The following GUCY1A2 variants were observed in gnomAD, a reference collection of about 807,000 sequenced individuals.
GUCY1A2 encodes guanylate cyclase soluble subunit alpha-2.
A neutral mutation model predicts 63.5 loss-of-function variants in GUCY1A2; 27 were observed. The observed-to-expected ratio is 0.43, with a 90% CI of 0.31 to 0.59. The LOEUF (loss-of-function observed/expected upper bound fraction) is 0.59, where lower values mean the gene tolerates loss of function less well. Ranked by LOEUF, GUCY1A2 falls within the 20% of genes least tolerant of loss-of-function variation. The probability of loss-of-function intolerance (pLI) is 0.11; values close to 1 mark genes in which losing one functional copy is unlikely to be tolerated. For missense variants in GUCY1A2, 768 were observed against 913.3 expected (o/e 0.84, Z 2.05); for synonymous variants, 364 against 343.5 (o/e 1.06, Z -0.66).
At chr11:106,936,099 A>G (rs140624558) in intron 4 of GUCY1A2, among the ~76,000 whole-genome samples, 7 of 152,284 alleles carry the variant, frequency 4.6e-5, no homozygotes, top group African/African-American at 1.7e-4. Flanking sequence ...GCAGAGAAGG[A>G]AGCTATGTGC....
At chr11:106,736,684 G>C (rs977577278) in intron 6 of GUCY1A2, among the ~76,000 whole-genome samples, 2 of 152,014 alleles carry the variant, frequency 1.3e-5, no homozygotes, top group African/African-American at 4.8e-5. Flanking sequence ...TTAGTATTTT[G>C]ATAGTGATTG....
chr11:106,925,800 T>C (rs375235333), intron 4 of GUCY1A2, among the ~76,000 whole-genome samples: 17 of 152,288 alleles, frequency 1.1e-4, no homozygotes, highest in African/African-American at 3.6e-4. Flanking sequence ...AATTCACCTA[T>C]GCCATTCCAA....
At chr11:106,953,283 T>G (rs1019386573) in intron 3 of GUCY1A2, among the ~76,000 whole-genome samples, 8 of 152,232 alleles carry the variant, frequency 5.3e-5, no homozygotes, top group African/African-American at 1.9e-4. Flanking sequence ...GAGATAATCA[T>G]GTGCTTTTTG....
chr11:106,932,483 C>T (rs1050323139), intron 4 of GUCY1A2, among the ~76,000 whole-genome samples: 2 of 152,072 alleles, frequency 1.3e-5, no homozygotes, highest in Admixed American at 6.6e-5. Flanking sequence ...ATCAAAATAT[C>T]ATACATGAGC....
intron 1 of GUCY1A2, among the ~76,000 whole-genome samples, chr11:107,006,628 TTA>T (rs1861675054): frequency 6.6e-6 from 1 of 152,232 alleles, no homozygotes; most frequent in East Asian, 1.9e-4. Flanking sequence ...GGTATGCACA[TTA>T]ACTTGGTCAG....
chr11:106,968,912 A>G (rs1861160520), intron 3 of GUCY1A2, among the ~76,000 whole-genome samples: 1 of 152,170 alleles, frequency 6.6e-6, no homozygotes, highest in Non-Finnish European at 1.5e-5. Context: ...ATTTGAAAAG[A>G]TGTCACTTTA....
chr11:106,865,780 C>T (rs1220743137), intron 4 of GUCY1A2, among the ~76,000 whole-genome samples: 2 of 151,664 alleles, frequency 1.3e-5, no homozygotes. Flanking sequence ...GCATATGCAT[C>T]CCAGAACTTA....
intron 1 of GUCY1A2, among the ~76,000 whole-genome samples, chr11:107,001,037 A>C (rs1264838903): frequency 6.6e-6 from 1 of 152,200 alleles, no homozygotes; most frequent in Non-Finnish European, 1.5e-5. Flanking sequence ...GTACAATGAC[A>C]GGTTTTTCTT....
intron 4 of GUCY1A2, among the ~76,000 whole-genome samples, chr11:106,832,695 G>T (rs1384926678): frequency 6.6e-6 from 1 of 152,044 alleles, no homozygotes; most frequent in Non-Finnish European, 1.5e-5. Context: ...TGCAATGTTT[G>T]CTTGAATGTT....
At chr11:106,971,925 G>A (rs1789231895) in intron 3 of GUCY1A2, among the ~76,000 whole-genome samples, 1 of 152,068 alleles carries the variant, frequency 6.6e-6, no homozygotes, top group Non-Finnish European at 1.5e-5. Context: ...TGGGAAGTAA[G>A]GAAGTGCTCA....
At chr11:106,733,692 G>A (rs1161666611) in intron 6 of GUCY1A2, among the ~76,000 whole-genome samples, 1 of 144,912 alleles carries the variant, frequency 6.9e-6, no homozygotes, top group Admixed American at 7.0e-5. Context: ...CGAGTGGTGG[G>A]GACAGGCCAG....
intron 4 of GUCY1A2, among the ~76,000 whole-genome samples, chr11:106,921,168 T>C (rs1184458327): frequency 6.6e-6 from 1 of 152,118 alleles, no homozygotes. Context: ...AAGTCACCTA[T>C]TTTTAAAACT....
chr11:106,709,311 A>G (rs1455756490), intron 6 of GUCY1A2, among the ~76,000 whole-genome samples: 2 of 75,832 alleles, frequency 2.6e-5, no homozygotes, highest in East Asian at 5.8e-4. Context: ...TTATATTTAT[A>G]TATATTTATA....
chr11:106,833,258 T>C (rs962622081), intron 4 of GUCY1A2, among the ~76,000 whole-genome samples: 2 of 152,078 alleles, frequency 1.3e-5, no homozygotes, highest in Non-Finnish European at 2.9e-5. Context: ...TAAAGAAACT[T>C]ATCTCCAAAT....
At chr11:106,829,461 C>T (rs1859022060) in intron 4 of GUCY1A2, among the ~76,000 whole-genome samples, 1 of 152,134 alleles carries the variant, frequency 6.6e-6, no homozygotes, top group South Asian at 2.1e-4. Flanking sequence ...CATGGTCTCT[C>T]AGGGTCTTAG....
At chr11:106,967,854 G>C (rs1020275005) in intron 3 of GUCY1A2, among the ~76,000 whole-genome samples, 1 of 152,152 alleles carries the variant, frequency 6.6e-6, no homozygotes, top group Non-Finnish European at 1.5e-5. Context: ...GAGACATTAA[G>C]CATGTATCTG....
At chr11:106,977,567 T>G (rs1000716236) in intron 3 of GUCY1A2, among the ~76,000 whole-genome samples, 9 of 152,224 alleles carry the variant, frequency 5.9e-5, no homozygotes, top group Non-Finnish European at 2.9e-5. Context: ...GCAGCTGGAT[T>G]CCCAGCTTGA....
chr11:106,734,716 ATTG>A (rs1565272985), intron 6 of GUCY1A2, among the ~76,000 whole-genome samples: 1 of 152,048 alleles, frequency 6.6e-6, no homozygotes, highest in African/African-American at 2.4e-5. Context: ...AGTTGGAGGT[ATTG>A]TTGTCCATGT....
In GUCY1A2 at chr11:106,892,676, A is replaced by G. The variant is rs538530371; in HGVS notation, c.1206+46784T>C. ...GTTGTGTATCGTTTTTCCTGATTTT[A>G]GTAAATGATGTTCAAAAATTTCTTT... On this transcript the variant is annotated intron_variant, in intron 4 of 7. Coordinates refer to ENST00000526355, the MANE Select transcript of GUCY1A2 (RefSeq NM_000855.3). Among the ~76,000 whole-genome samples, 7 of 152,276 alleles carry G rather than the reference A, an allele frequency of 4.6e-5. 1 individual carries two copies. In the South Asian group the frequency reaches 1.4e-3, roughly 32 times the overall value.
Sources: gnomAD v4.1 joint callset for allele counts (sites outside exome capture counted in the v4.1 genomes callset) on GRCh38, gnomAD v4.1.1 for gene constraint, MANE v1.5 for transcripts, NCBI Gene and HGNC (gene_info 2026-07-23, HGNC 2026-07-21) for gene names.